The following PPP3CA variants were observed in gnomAD, a reference collection of about 807,000 sequenced individuals.
PPP3CA encodes the protein protein phosphatase 3 catalytic subunit alpha, also known as CAM-PRP catalytic subunit.
Under a neutral mutation model 66.5 loss-of-function variants are expected in PPP3CA, and 14 were observed. That is an observed-to-expected ratio of 0.21 (90% CI 0.14 to 0.33). PPP3CA has a LOEUF of 0.33. Among genes scored for constraint, PPP3CA ranks in the 10% least tolerant of loss-of-function variants. The pLI, the probability that PPP3CA is intolerant of heterozygous loss-of-function variation, is 1.00. For synonymous variants in PPP3CA, 232 were observed against 226.2 expected, an observed-to-expected ratio of 1.03 and a Z score of -0.23; for missense variants, 317 against 639.5, an observed-to-expected ratio of 0.50 and a Z score of 5.44.
chr4:101,316,448 A>G (rs1372377725), intron 1 of PPP3CA, among the ~76,000 whole-genome samples: 5 of 152,168 alleles, frequency 3.3e-5, no homozygotes, highest in Non-Finnish European at 1.5e-5. Flanking sequence ...CAACATTTAC[A>G]TTATAAAGAA....
chr4:101,093,822 C>T lies in PPP3CA; in HGVS notation c.736G>A (p.Glu246Lys). 1 of 1,613,230 alleles carries T rather than the reference C, an allele frequency of 6.2e-7. No individual in the cohort carries two copies. ...LEDFGNEKTQ[E>K]HFTHNTVRGC... ...CTGACTGTGTTGTGAGTGAAATGTT[C>T]CTGAGTCTTCTCATTTCCAAAATCT... The change falls in exon 6 of 14, where the codon GAA (glutamate) becomes AAA (lysine). Residue 246 changes from glutamate to lysine, a missense_variant. By Grantham distance (56) the Glu-to-Lys change is moderately conservative. This residue lies in a region of PPP3CA where 201 missense variants were observed against 501.4 expected (regional missense o/e 0.40). Transcript: ENST00000394854.
chr4:101,184,471 T>C (rs1048323132), intron 2 of PPP3CA, among the ~76,000 whole-genome samples: 2 of 152,076 alleles, frequency 1.3e-5, no homozygotes, highest in Non-Finnish European at 2.9e-5. Context: ...GTCTTAAGTA[T>C]AAAATAAACA....
rs192056637 is a variant in PPP3CA at position 101,309,826 on chromosome 4, T to C, written c.58+36913A>G. On this transcript the variant is annotated intron_variant, in intron 1 of 13. Transcript: ENST00000394854. ...GGAATGTTTCTATAGGATATTCTTATACAACTTAATAACAAAAAATATTGT... is the reference window on the plus strand; with the variant it reads ...GGAATGTTTCTATAGGATATTCTTACACAACTTAATAACAAAAAATATTGT... 3.0e-3 allele frequency among the ~76,000 whole-genome samples: 450 copies of C among 152,330 alleles called. 1 individual carries two copies. Among genetic ancestry groups the C allele is most frequent in the Non-Finnish European group, 4.8e-3 (324 of 68,014 alleles).
At chr4:101,198,964 C>T (rs552951458) in intron 1 of PPP3CA, among the ~76,000 whole-genome samples, 64 of 152,226 alleles carry the variant, frequency 4.2e-4, no homozygotes, top group Admixed American at 9.8e-4. Flanking sequence ...CCTGATGAGA[C>T]GGGGCCCTTT....
intron 1 of PPP3CA, among the ~76,000 whole-genome samples, chr4:101,270,173 T>G (rs1336969445): frequency 6.6e-6 from 1 of 152,220 alleles, no homozygotes; most frequent in East Asian, 1.9e-4. Flanking sequence ...ATTTTTACTA[T>G]ATAACATCTG....
At chr4:101,111,739 G>A (rs1277417372) in intron 2 of PPP3CA, among the ~76,000 whole-genome samples, 6 of 151,990 alleles carry the variant, frequency 3.9e-5, no homozygotes, top group Non-Finnish European at 7.4e-5. Flanking sequence ...ATAAAATGGG[G>A]GTGATACTGG....
At chr4:101,062,319 C>A (rs150276277) in intron 9 of PPP3CA, among the ~76,000 whole-genome samples, 2,297 of 152,072 alleles carry the variant, frequency 0.015, 208 homozygotes, top group Admixed American at 0.14. Context: ...GGGAAGGCTT[C>A]TTTGCCAACA....
intron 1 of PPP3CA, among the ~76,000 whole-genome samples, chr4:101,291,896 A>G (rs936307107): frequency 6.6e-6 from 1 of 152,126 alleles, no homozygotes; most frequent in Admixed American, 6.5e-5. Context: ...TAGGAGGCCG[A>G]GGTGGGCAGA....
At chr4:101,111,131 C>G (rs1026479386) in intron 2 of PPP3CA, among the ~76,000 whole-genome samples, 1 of 152,146 alleles carries the variant, frequency 6.6e-6, no homozygotes. Flanking sequence ...TTATCACAAG[C>G]ACCACTTTCT....
chr4:101,257,185 T>C lies in PPP3CA; in HGVS notation c.59-61069A>G, dbSNP rs181360286. On this transcript the variant is annotated intron_variant, in intron 1 of 13. Coordinates refer to ENST00000394854, the MANE Select transcript of PPP3CA (RefSeq NM_000944.5). ...TATTGTTTACTCCTGATTCTTTTAG[T>C]TTTGATGTCTTCTTCTAGTGAAGGG... Among the ~76,000 whole-genome samples the C allele has an allele frequency of 1.7e-3, 256 of 152,146 alleles. 2 individuals are homozygous for C. Among genetic ancestry groups the C allele is most frequent in the Non-Finnish European group, 2.6e-3 (179 of 67,946 alleles).
At chr4:101,221,476 G>A (rs1241598787) in intron 1 of PPP3CA, among the ~76,000 whole-genome samples, 1 of 151,522 alleles carries the variant, frequency 6.6e-6, no homozygotes, top group Non-Finnish European at 1.5e-5. Flanking sequence ...GAAGTAAACA[G>A]CATTCTAGTT....
chr4:101,265,230 C>T (rs1727133417), intron 1 of PPP3CA, among the ~76,000 whole-genome samples: 1 of 152,072 alleles, frequency 6.6e-6, no homozygotes, highest in Non-Finnish European at 1.5e-5. Context: ...GATCCTCCTG[C>T]CTCAGCCTCC....
At chr4:101,108,026 T>C (rs1721493807) in intron 3 of PPP3CA, 1 of 152,228 alleles carries the variant, frequency 6.6e-6, no homozygotes, top group Non-Finnish European at 1.5e-5. Flanking sequence ...AACAAAGATA[T>C]GAATAAAACA....
intron 1 of PPP3CA, among the ~76,000 whole-genome samples, chr4:101,225,013 C>T (rs556552098): frequency 6.6e-6 from 1 of 151,834 alleles, no homozygotes; most frequent in Admixed American, 6.6e-5. Context: ...ACCCCTGCCT[C>T]AGAGATTTGG....
intron 1 of PPP3CA, among the ~76,000 whole-genome samples, chr4:101,264,189 C>T (rs1727096279): frequency 6.6e-6 from 1 of 152,170 alleles, no homozygotes; most frequent in Non-Finnish European, 1.5e-5. Context: ...GAATCATTTT[C>T]ATATCTTTTT....
intron 2 of PPP3CA, among the ~76,000 whole-genome samples, chr4:101,180,300 A>G (rs1274605974): frequency 1.3e-5 from 2 of 152,162 alleles, no homozygotes; most frequent in East Asian, 3.9e-4. Context: ...GGCACCCATA[A>G]TTAACAAGTG....
chr4:101,092,807 T>C (rs527334939), intron 6 of PPP3CA, among the ~76,000 whole-genome samples: 32 of 152,336 alleles, frequency 2.1e-4, no homozygotes, highest in African/African-American at 7.5e-4. Context: ...TATGGCTGCA[T>C]AGTATTCCAT....
At chr4:101,206,512 G>C (rs1289359971) in intron 1 of PPP3CA, among the ~76,000 whole-genome samples, 2 of 152,144 alleles carry the variant, frequency 1.3e-5, no homozygotes, top group African/African-American at 4.8e-5. Context: ...GTGCATAAAA[G>C]AAACTTTCAA....
intron 2 of PPP3CA, among the ~76,000 whole-genome samples, chr4:101,129,982 T>C (rs71614680): frequency 0.097 from 14,798 of 152,062 alleles, 933 homozygotes; most frequent in Middle Eastern, 0.14. Flanking sequence ...TAACCCAATG[T>C]AAGGAAGCTA....
Sources: allele counts gnomAD v4.1 joint callset (sites outside exome capture counted in the v4.1 genomes callset), GRCh38; gene constraint gnomAD v4.1.1; regional missense constraint gnomAD v4.1.1; transcripts MANE v1.5; gene names NCBI Gene and HGNC (gene_info 2026-07-23, HGNC 2026-07-21).